The following RIMS1 variants were observed in gnomAD, a reference collection of about 807,000 sequenced individuals.
The protein encoded by RIMS1 is regulating synaptic membrane exocytosis 1, also known as regulating synaptic membrane exocytosis protein 1.
RIMS1 carries 83 observed loss-of-function variants against 214.1 expected under a neutral mutation model. That is an observed-to-expected ratio of 0.39 (90% CI 0.32 to 0.47). The LOEUF is 0.47. Ranked by LOEUF, RIMS1 falls within the 20% of genes least tolerant of loss-of-function variation. The pLI, the probability that RIMS1 is intolerant of heterozygous loss-of-function variation, is 0.99. For missense variants in RIMS1, 2,050 were observed against 2,161.8 expected (o/e 0.95, Z 1.03); for synonymous variants, 793 against 786.8 (o/e 1.01, Z -0.13).
At chr6:72,391,334 C>T (rs1017575144) in intron 30 of RIMS1, among the ~76,000 whole-genome samples, 6 of 150,194 alleles carry the variant, frequency 4.0e-5, no homozygotes, top group African/African-American at 1.5e-4. Context: ...TAAAAATTTA[C>T]TCTTTTCGAT....
chr6:72,049,487 G>C (rs1256322563), intron 2 of RIMS1, among the ~76,000 whole-genome samples: 1 of 152,172 alleles, frequency 6.6e-6, no homozygotes, highest in East Asian at 1.9e-4. Flanking sequence ...ATAACAGCAA[G>C]TGTAGTATCA....
chr6:72,126,310 A>T (rs1425849163), intron 4 of RIMS1, among the ~76,000 whole-genome samples: 2 of 152,224 alleles, frequency 1.3e-5, no homozygotes, highest in Non-Finnish European at 2.9e-5. Flanking sequence ...ACCTGAAACC[A>T]TAAGTATTCT....
intron 2 of RIMS1, among the ~76,000 whole-genome samples, chr6:72,050,152 C>T (rs191788780): frequency 5.9e-5 from 9 of 152,254 alleles, no homozygotes; most frequent in East Asian, 1.9e-4. Context: ...CTGGGCTGAG[C>T]GGAGGATGAT....
intron 2 of RIMS1, among the ~76,000 whole-genome samples, chr6:72,027,984 G>C (rs1817023813): frequency 6.6e-6 from 1 of 152,110 alleles, no homozygotes; most frequent in Admixed American, 6.6e-5. Context: ...AGTAAGAACA[G>C]TGTGCAAAAT....
chr6:71,913,850 T>C (rs1777606512), intron 1 of RIMS1, among the ~76,000 whole-genome samples: 1 of 151,880 alleles, frequency 6.6e-6, no homozygotes, highest in South Asian at 2.1e-4. Context: ...ACAGCTGGGG[T>C]TAGGGTAAGA....
rs1029689039 is a variant in RIMS1 at position 71,886,914 on chromosome 6, C to T, written c.-110C>T. The stretch of plus-strand genomic sequence containing the variant: ...CCGCCGCCGCTGCTCCTCCTCCTGC[C>T]GCCGCCGCTAGGGCTCCGCTGTGAG... On this transcript the variant is annotated 5_prime_UTR_variant, in exon 1 of 34. Transcript: ENST00000521978. 16 of 1,318,282 alleles carry T rather than the reference C, an allele frequency of 1.2e-5. No individual in the cohort carries two copies. Among genetic ancestry groups the T allele is most frequent in the Middle Eastern group, 2.4e-4 (1 of 4,248 alleles). 81.7% of individuals were successfully genotyped at this position (1,318,282 alleles called of 1,614,324 possible). A position where few individuals can be genotyped will look rare whatever the true frequency, so the allele number is the denominator to read the frequency against.
chr6:72,228,335 C>T (rs1422039147), intron 6 of RIMS1, among the ~76,000 whole-genome samples: 1 of 151,872 alleles, frequency 6.6e-6, no homozygotes, highest in Non-Finnish European at 1.5e-5. Flanking sequence ...CTGCTAGCAA[C>T]CACCACTCTA....
At chr6:71,910,244 T>C (rs996731806) in intron 1 of RIMS1, among the ~76,000 whole-genome samples, 1 of 152,184 alleles carries the variant, frequency 6.6e-6, no homozygotes, top group African/African-American at 2.4e-5. Flanking sequence ...TAAGTAGAAA[T>C]ACAAAAACTC....
intron 6 of RIMS1, chr6:72,213,047 A>C: frequency 6.5e-7 from 1 of 1,531,326 alleles, no homozygotes. Context: ...CTTAGATAAG[A>C]TCTTGAGCAG....
chr6:72,269,128 C>A (rs940265379), intron 22 of RIMS1, among the ~76,000 whole-genome samples: 28 of 152,258 alleles, frequency 1.8e-4, no homozygotes, highest in East Asian at 3.9e-4. Flanking sequence ...TTTAAACTTA[C>A]CGCCTGCATT....
intron 2 of RIMS1, among the ~76,000 whole-genome samples, chr6:72,004,967 A>T (rs1363385274): frequency 6.6e-6 from 1 of 151,520 alleles, no homozygotes; most frequent in Non-Finnish European, 1.5e-5. Flanking sequence ...CTGAATGGTA[A>T]TGCCTAGGTT....
chr6:72,289,958 TG>T (rs2093073371), intron 24 of RIMS1, among the ~76,000 whole-genome samples: 1 of 152,188 alleles, frequency 6.6e-6, no homozygotes, highest in Non-Finnish European at 1.5e-5. Flanking sequence ...ATTCATTAAT[TG>T]GCTTTATAAT....
chr6:72,150,210 A>T (rs979650531), intron 4 of RIMS1, among the ~76,000 whole-genome samples: 11 of 151,152 alleles, frequency 7.3e-5, no homozygotes, highest in African/African-American at 2.7e-4. Context: ...AAAAAAGGCT[A>T]AAAAAAGGCC....
intron 6 of RIMS1, among the ~76,000 whole-genome samples, chr6:72,207,558 A>G (rs1424320294): frequency 6.6e-6 from 1 of 152,192 alleles, no homozygotes; most frequent in African/African-American, 2.4e-5. Context: ...AGAAGGCACT[A>G]TTACTTCAGA....
intron 29 of RIMS1, among the ~76,000 whole-genome samples, chr6:72,366,114 CT>C: frequency 6.6e-6 from 1 of 152,126 alleles, no homozygotes; most frequent in East Asian, 1.9e-4. Context: ...AAGTTAGAAC[CT>C]TTTTTTTCTA....
intron 26 of RIMS1, among the ~76,000 whole-genome samples, chr6:72,303,418 G>T (rs1038195116): frequency 6.6e-6 from 1 of 150,982 alleles, no homozygotes; most frequent in Non-Finnish European, 1.5e-5. Context: ...CCTTAGCAAA[G>T]AATGTGAAAA....
intron 27 of RIMS1, among the ~76,000 whole-genome samples, chr6:72,308,269 A>T (rs1228463753): frequency 6.6e-6 from 1 of 152,118 alleles, no homozygotes; most frequent in African/African-American, 2.4e-5. Context: ...CTAATATCTG[A>T]TAATTTTAAA....
chr6:72,252,928 T>G, intron 16 of RIMS1, 96 bp downstream of exon 16: 1 of 839,776 alleles, frequency 1.2e-6, no homozygotes, highest in Non-Finnish European at 2.0e-6. Context: ...AACTGAAGAT[T>G]TATAGCACAG....
chr6:72,134,552 C>CGTAACTTAAGATGATCTAT (rs2040963405), intron 4 of RIMS1, among the ~76,000 whole-genome samples: 1 of 151,960 alleles, frequency 6.6e-6, no homozygotes, highest in African/African-American at 2.4e-5. Flanking sequence ...TCATGAGTTT[C>CGTAACTTAAGATGATCTAT]GTAACTTAAG....
Sources: allele counts gnomAD v4.1 joint callset (sites outside exome capture counted in the v4.1 genomes callset), GRCh38; gene constraint gnomAD v4.1.1; transcripts MANE v1.5; gene names NCBI Gene and HGNC (gene_info 2026-07-23, HGNC 2026-07-21).